SPOCK3: variants seen among roughly 807,000 people sequenced by gnomAD.
SPOCK3 encodes the protein SPARC (osteonectin), cwcv and kazal like domains proteoglycan 3.
Under a neutral mutation model 56.6 loss-of-function variants are expected in SPOCK3, and 30 were observed. The ratio of observed to expected loss-of-function variants is 0.53; its 90% confidence interval spans 0.40 to 0.72. The LOEUF is 0.72. SPOCK3 is among the 30% of genes least tolerant of loss of function. SPOCK3 has a pLI of 0.00. For missense variants in SPOCK3, 527 were observed against 530.0 expected, an observed-to-expected ratio of 0.99 and a Z score of 0.06; for synonymous variants, 196 against 183.3, an observed-to-expected ratio of 1.07 and a Z score of -0.56.
intron 2 of SPOCK3, among the ~76,000 whole-genome samples, chr4:167,205,366 T>G (rs1317143259): frequency 2.6e-5 from 1 of 39,168 alleles, no homozygotes; most frequent in African/African-American, 1.4e-4. Flanking sequence ...ATATATTATA[T>G]ATTTTATATA....
rs538566191 is a variant in SPOCK3, at chr4:167,088,461, CTTTTTTTTTT to C, written c.190-25934_190-25925del. Among the ~76,000 whole-genome samples the C allele has an allele frequency of 1.4e-3, 153 of 111,118 alleles. 2 individuals carry two copies. The Middle Eastern group carries it at 0.014, about 10-fold the overall frequency. 72.9% of individuals were successfully genotyped at this position (111,118 alleles called of 152,430 possible). ...GTCTTGCAAATAACACCTATGAAAA[CTTTTTTTTTT>C]TTTTTTTTTTTTGAGATGGAATCTC... is the stretch of plus-strand genomic sequence containing the variant. On this transcript the variant is annotated intron_variant, in intron 2 of 10. Coordinates refer to ENST00000357545, the MANE Select transcript of SPOCK3 (RefSeq NM_001040159.2).
chr4:166,922,362 G>A (rs1013217895), intron 4 of SPOCK3, among the ~76,000 whole-genome samples: 1 of 152,160 alleles, frequency 6.6e-6, no homozygotes, highest in Non-Finnish European at 1.5e-5. Flanking sequence ...AGTCTAAGAA[G>A]TGATAAGGAC....
chr4:166,736,149 C>G (rs1055996576), intron 10 of SPOCK3, among the ~76,000 whole-genome samples: 2 of 152,002 alleles, frequency 1.3e-5, no homozygotes, highest in South Asian at 4.2e-4. Context: ...CACTAAAATT[C>G]CCATCTTAAC....
intron 6 of SPOCK3, among the ~76,000 whole-genome samples, chr4:166,812,330 T>G (rs2126728875): frequency 6.6e-6 from 1 of 152,058 alleles, no homozygotes; most frequent in African/African-American, 2.4e-5. Flanking sequence ...CAAATGCTGT[T>G]TAATTTAAAT....
intron 6 of SPOCK3, among the ~76,000 whole-genome samples, chr4:166,841,021 G>A (rs985159925): frequency 5.3e-5 from 8 of 151,464 alleles, no homozygotes; most frequent in Non-Finnish European, 8.8e-5. Flanking sequence ...CTCATGATCC[G>A]CCAGCCTCAG....
At chr4:167,187,868 T>C (rs1273724997) in intron 2 of SPOCK3, among the ~76,000 whole-genome samples, 1 of 152,174 alleles carries the variant, frequency 6.6e-6, no homozygotes, top group African/African-American at 2.4e-5. Flanking sequence ...GACACTTTAT[T>C]GTGCCTTAGA....
chr4:166,767,564 T>C (rs568973996), intron 7 of SPOCK3, among the ~76,000 whole-genome samples: 1 of 152,348 alleles, frequency 6.6e-6, no homozygotes, highest in Non-Finnish European at 1.5e-5. Context: ...CACTTTGTTA[T>C]AATTTCTGTT....
intron 2 of SPOCK3, among the ~76,000 whole-genome samples, chr4:167,110,300 C>A (rs1760790966): frequency 6.6e-6 from 1 of 151,978 alleles, no homozygotes; most frequent in African/African-American, 2.4e-5. Context: ...CAGGTTATGG[C>A]CTCTTTTTCT....
intron 3 of SPOCK3, among the ~76,000 whole-genome samples, chr4:167,060,741 A>G (rs1755516096): frequency 6.6e-6 from 1 of 152,072 alleles, no homozygotes; most frequent in Non-Finnish European, 1.5e-5. Context: ...TTATCATATG[A>G]GTGGTAATAT....
intron 6 of SPOCK3, among the ~76,000 whole-genome samples, chr4:166,823,667 C>T (rs1383587987): frequency 6.6e-6 from 1 of 152,032 alleles, no homozygotes; most frequent in Non-Finnish European, 1.5e-5. Context: ...TCCATTATTT[C>T]CTTTGTGAAT....
At chr4:167,004,338 A>G (rs1261887974) in intron 3 of SPOCK3, among the ~76,000 whole-genome samples, 1 of 152,180 alleles carries the variant, frequency 6.6e-6, no homozygotes, top group African/African-American at 2.4e-5. Context: ...ATAAATAGCA[A>G]AAATGTAGAA....
intron 6 of SPOCK3, among the ~76,000 whole-genome samples, chr4:166,809,573 C>T (rs1161950634): frequency 1.3e-5 from 2 of 152,008 alleles, no homozygotes; most frequent in Non-Finnish European, 2.9e-5. Flanking sequence ...TACTTTGAGT[C>T]AGACAGTCAA....
At chr4:166,878,227 C>A (rs967086152) in intron 6 of SPOCK3, among the ~76,000 whole-genome samples, 1 of 151,978 alleles carries the variant, frequency 6.6e-6, no homozygotes. Context: ...TGCAGTGGGC[C>A]GAGATCACGC....
chr4:167,039,202 GTCTA>G (rs983173490), intron 3 of SPOCK3, among the ~76,000 whole-genome samples: 3 of 152,090 alleles, frequency 2.0e-5, no homozygotes, highest in Non-Finnish European at 2.9e-5. Context: ...GTCCTTGTGT[GTCTA>G]TCTGTCTTTT....
At chr4:166,889,099 G>A (rs763770479) in intron 6 of SPOCK3, 31 bp downstream of exon 6, 2 of 1,323,694 alleles carry the variant, frequency 1.5e-6, no homozygotes, top group Admixed American at 1.7e-5. Context: ...AGTGATGAAT[G>A]TAAAATTATA....
chr4:166,897,062 T>C (rs1735468841), intron 5 of SPOCK3, among the ~76,000 whole-genome samples: 1 of 152,186 alleles, frequency 6.6e-6, no homozygotes, highest in South Asian at 2.1e-4. Flanking sequence ...CAGTTTGTCC[T>C]GGTAAAAATT....
intron 2 of SPOCK3, among the ~76,000 whole-genome samples, chr4:167,151,852 A>T (rs1764454612): frequency 6.6e-6 from 1 of 152,188 alleles, no homozygotes. Flanking sequence ...AAATATTGTC[A>T]TATTCAGCAG....
chr4:166,804,400 A>G (rs543290843), intron 6 of SPOCK3, among the ~76,000 whole-genome samples: 5 of 152,146 alleles, frequency 3.3e-5, no homozygotes, highest in African/African-American at 9.6e-5. Context: ...TTTACCTCCT[A>G]AAGGTCCTAT....
Position 166,737,368 on chromosome 4 carries a change from A to G in SPOCK3, c.1132+99T>C, listed in dbSNP as rs578010111. On this transcript the variant is annotated intron_variant, in intron 10 of 10. Transcript: ENST00000357545. ...CCTAGATATTCTACAGTCTTTGCAT[A>G]GAGTAAGTCCTCATTAAATGCTTGA... 8 of 1,276,788 alleles carry G rather than the reference A, an allele frequency of 6.3e-6. No individual in the cohort carries two copies. In the South Asian group the frequency reaches 7.5e-5, roughly 12 times the overall value. The allele number at this position is 1,276,788 out of a possible 1,614,324, so 79.1% of individuals were successfully genotyped here.
Sources: allele counts gnomAD v4.1 joint callset (sites outside exome capture counted in the v4.1 genomes callset), GRCh38; gene constraint gnomAD v4.1.1; transcripts MANE v1.5; gene names NCBI Gene and HGNC (gene_info 2026-07-23, HGNC 2026-07-21).